NAT1: variants seen among roughly 807,000 people sequenced by gnomAD.
The protein encoded by NAT1 is N-acetyltransferase 1, also known as arylamine N-acetyltransferase 1.
For missense variants in NAT1, 400 were observed against 339.2 expected, an observed-to-expected ratio of 1.18 and a Z score of -1.41; for synonymous variants, 144 against 122.6, an observed-to-expected ratio of 1.17 and a Z score of -1.16.
chr8:18,193,128 G>A (rs979383847), intron 2 of NAT1, among the ~76,000 whole-genome samples: 1 of 139,416 alleles, frequency 7.2e-6, no homozygotes, highest in Non-Finnish European at 1.5e-5. Context: ...GCCCAGGTTG[G>A]AGTGCAGTGA....
intron 2 of NAT1, among the ~76,000 whole-genome samples, chr8:18,187,936 A>AACAC (rs35203470): frequency 0.055 from 7,571 of 137,388 alleles, 225 homozygotes; most frequent in South Asian, 0.084. Context: ...TTGTATCTTA[A>AACAC]ACACACACAC....
In NAT1 at chr8:18,222,823, G is replaced by C; in HGVS notation, c.776G>C (p.Ser259Thr). The change falls in exon 3 of 3, where the codon AGT (serine) becomes ACT (threonine). Residue 259 changes from serine to threonine, a missense_variant. Ser to Thr is a moderately conservative substitution (Grantham distance 58). Transcript: ENST00000307719. The part of the protein sequence containing the change: ...NTDLIEFKTL[S>T]EEEIEKVLKN... ...GATCTAATAGAGTTCAAGACTCTGA[G>C]TGAGGAAGAAATAGAAAAAGTGCTG... 6.2e-7 allele frequency: 1 copy of C among 1,607,374 alleles called. No homozygotes were observed. The highest frequency in any genetic ancestry group is 8.5e-7 in the Non-Finnish European group (1 of 1,177,770).
At chr8:18,192,099 G>C (rs1224329037) in intron 2 of NAT1, among the ~76,000 whole-genome samples, 1 of 150,860 alleles carries the variant, frequency 6.6e-6, no homozygotes, top group Non-Finnish European at 1.5e-5. Context: ...ATCTGACAAA[G>C]GGCTAATATC....
intron 2 of NAT1, among the ~76,000 whole-genome samples, chr8:18,173,619 T>C (rs117795980): frequency 1.9e-4 from 29 of 152,300 alleles, no homozygotes; most frequent in Admixed American, 9.2e-4. Flanking sequence ...CCAGCGTGGA[T>C]AGTGGAGAGT....
chr8:18,188,976 CAGAG>C (rs1175859020), intron 2 of NAT1, among the ~76,000 whole-genome samples: 50 of 108,382 alleles, frequency 4.6e-4, no homozygotes, highest in Non-Finnish European at 8.5e-4. Context: ...GCCTGGGTGA[CAGAG>C]AGAGACTCCG....
At chr8:18,182,234 G>A (rs923062571) in intron 2 of NAT1, among the ~76,000 whole-genome samples, 3 of 152,134 alleles carry the variant, frequency 2.0e-5, no homozygotes, top group African/African-American at 7.2e-5. Context: ...ATGTTCCTGT[G>A]GGGGGTGATT....
At chr8:18,183,387 A>T (rs1323803605) in intron 2 of NAT1, among the ~76,000 whole-genome samples, 1 of 152,194 alleles carries the variant, frequency 6.6e-6, no homozygotes, top group Non-Finnish European at 1.5e-5. Flanking sequence ...ACGTCCTCGC[A>T]TATAAAATAC....
chr8:18,222,964 C>A lies in NAT1; in HGVS notation c.*44C>A. 1 of 1,480,236 alleles carries A rather than the reference C, an allele frequency of 6.8e-7. No individual in the cohort carries two copies. Among genetic ancestry groups the A allele is most frequent in the Non-Finnish European group, 9.0e-7 (1 of 1,112,022 alleles). 91.7% of individuals were successfully genotyped at this position (1,480,236 alleles called of 1,614,324 possible). A position where few individuals can be genotyped will look rare whatever the true frequency, so the allele number is the denominator to read the frequency against. Reference sequence around the variant, plus strand: ...CTTGTCTATTTGTCATCCAGCTCACCAGTTATCAACTGACGACCTATCATG... The same window carrying A: ...CTTGTCTATTTGTCATCCAGCTCACAAGTTATCAACTGACGACCTATCATG... On this transcript the variant is annotated 3_prime_UTR_variant, in exon 3 of 3. Coordinates refer to ENST00000307719, the MANE Select transcript of NAT1 (RefSeq NM_000662.8).
chr8:18,189,617 G>T (rs1563168052), intron 2 of NAT1, among the ~76,000 whole-genome samples: 1 of 152,130 alleles, frequency 6.6e-6, no homozygotes, highest in South Asian at 2.1e-4. Context: ...GTTTTTATAG[G>T]TAGAAGGCTT....
At chr8:18,177,526 C>T (rs1035019759) in intron 2 of NAT1, among the ~76,000 whole-genome samples, 9 of 152,068 alleles carry the variant, frequency 5.9e-5, no homozygotes, top group Non-Finnish European at 1.2e-4. Flanking sequence ...ACTGTCATTA[C>T]CCATAAATAC....
chr8:18,221,946 G>T, intron 2 of NAT1, 96 bp from the exon 3 acceptor site: 1 of 1,250,640 alleles, frequency 8.0e-7, no homozygotes, highest in Non-Finnish European at 1.1e-6. Context: ...TATAACCATT[G>T]TATTTTTACA....
chr8:18,205,686 G>A (rs1033513493), upstream of NAT1, among the ~76,000 whole-genome samples: 17 of 152,238 alleles, frequency 1.1e-4, no homozygotes, highest in African/African-American at 4.1e-4. Context: ...AAAGCAATGT[G>A]AGGAGTTGCA....
intron 2 of NAT1, among the ~76,000 whole-genome samples, chr8:18,178,196 A>G (rs998292439): frequency 2.0e-5 from 3 of 151,298 alleles, no homozygotes; most frequent in Non-Finnish European, 4.4e-5. Context: ...CTCACACTGT[A>G]TGTTTCTAGG....
At chr8:18,188,994 CAAAAAAAA>C (rs55636901) in intron 2 of NAT1, among the ~76,000 whole-genome samples, 1 of 83,120 alleles carries the variant, frequency 1.2e-5, no homozygotes, top group East Asian at 4.0e-4. Flanking sequence ...GACTCCGACT[CAAAAAAAA>C]AAAAAAAAAA....
chr8:18,180,877 T>A (rs1409852783), intron 2 of NAT1, among the ~76,000 whole-genome samples: 1 of 152,198 alleles, frequency 6.6e-6, no homozygotes, highest in African/African-American at 2.4e-5. Flanking sequence ...TCTGTTCTTA[T>A]GCCAATACCA....
rs1805471073 is a variant in NAT1, at chr8:18,222,745, G to A, written c.698G>A (p.Cys233Tyr). Residue 233 changes from cysteine to tyrosine, a missense_variant, in exon 3 of 3, where the codon TGT (cysteine) becomes TAT (tyrosine). Cys to Tyr is a radical substitution (Grantham distance 194). Coordinates refer to ENST00000307719, the MANE Select transcript of NAT1 (RefSeq NM_000662.8). ...TTGCAGACCCCAGATGGGGTTCACT[G>A]TTTGGTGGGCTTCACCCTCACCCAT... ...CSLQTPDGVH[C>Y]LVGFTLTHRR... The A allele has an allele frequency of 2.5e-6, 4 of 1,613,760 alleles. No individual in the cohort carries two copies. Among genetic ancestry groups the A allele is most frequent in the Admixed American group, 3.3e-5 (2 of 59,952 alleles).
rs1468222480 is a variant in NAT1, at chr8:18,222,769, A to C, written c.722A>C (p.His241Pro). ...TGTTTGGTGGGCTTCACCCTCACCC[A>C]TAGGAGATTCAATTATAAGGACAAT... is the stretch of plus-strand genomic sequence containing the variant. Reference protein sequence around the residue: ...VHCLVGFTLTHRRFNYKDNTD... With the variant: ...VHCLVGFTLTPRRFNYKDNTD... Residue 241 changes from histidine (H) to proline (P), a missense_variant, in exon 3 of 3, where the codon CAT becomes CCT. His to Pro is a moderately conservative substitution (Grantham distance 77). Transcript: ENST00000307719. The C allele has an allele frequency of 6.2e-7, 1 of 1,613,668 alleles. No homozygotes were observed. The highest frequency in any genetic ancestry group is 1.7e-5 in the Admixed American group (1 of 59,900).
chr8:18,208,954 C>T (rs1274474393), upstream of NAT1, among the ~76,000 whole-genome samples: 4 of 152,144 alleles, frequency 2.6e-5, no homozygotes, highest in Admixed American at 6.5e-5. Context: ...GATTTAAGGA[C>T]GTACCAGTGC....
chr8:18,189,375 T>C lies in NAT1; in HGVS notation n.92+18636T>C, dbSNP rs558919191. On this transcript the variant is annotated intron_variant and non_coding_transcript_variant, in intron 2 of 4. Transcript: ENST00000517441. The stretch of plus-strand genomic sequence containing the variant: ...CTGCAAGGTAGCAGGTATCAGCACC[T>C]CTCATTTGGAGAGTAGTACGAGATG... 2.6e-5 allele frequency among the ~76,000 whole-genome samples: 4 copies of C among 152,184 alleles called. No individual in the cohort carries two copies. The East Asian group carries it at 7.7e-4, about 29-fold the overall frequency.
Sources: gnomAD v4.1 joint callset for allele counts (sites outside exome capture counted in the v4.1 genomes callset) on GRCh38, gnomAD v4.1.1 for gene constraint, MANE v1.5 for transcripts, NCBI Gene and HGNC (gene_info 2026-07-23, HGNC 2026-07-21) for gene names.